Variants in TMEM181 observed in about 807,000 individuals in gnomAD.
TMEM181 encodes the protein transmembrane protein 181.
TMEM181 carries 39 observed loss-of-function variants against 71.9 expected under a neutral mutation model. The observed-to-expected ratio is 0.54, with a 90% CI of 0.42 to 0.71. The LOEUF (loss-of-function observed/expected upper bound fraction) is 0.71. TMEM181 is among the 30% of genes least tolerant of loss of function. The pLI is 0.00. For missense variants in TMEM181, 595 were observed against 583.0 expected (o/e 1.02, Z -0.21); for synonymous variants, 245 against 228.8 (o/e 1.07, Z -0.64).
In TMEM181 at chr6:158,551,564, G is replaced by A. The variant is rs74851120; in HGVS notation, c.131+14699G>A. ...TATAATCGGGAATTGCCAAGGAAAT[G>A]TAGTTATTTCTATTACACACAATGT... On this transcript the variant is annotated intron_variant, in intron 1 of 16. Transcript: ENST00000367090. Among the ~76,000 whole-genome samples the A allele has an allele frequency of 2.2e-3, 331 of 152,274 alleles. 1 individual carries two copies. The highest frequency in any genetic ancestry group is 3.6e-3 in the Non-Finnish European group (245 of 68,026).
intron 12 of TMEM181, 48 bp downstream of exon 12, chr6:158,625,254 CAGGT>C: frequency 2.0e-6 from 3 of 1,524,920 alleles, no homozygotes; most frequent in East Asian, 2.2e-5. Context: ...GGGAGTGACT[CAGGT>C]GGGGGAAGAA....
chr6:158,610,740 A>G (rs757379492), intron 10 of TMEM181: 1 of 297,540 alleles, frequency 3.4e-6, no homozygotes, highest in Non-Finnish European at 6.4e-6. Flanking sequence ...TCACTCAGGC[A>G]CTCGGGCTGC....
chr6:158,554,179 A>G (rs1781805493), intron 1 of TMEM181, among the ~76,000 whole-genome samples: 1 of 150,004 alleles, frequency 6.7e-6, no homozygotes. Context: ...TCCACCTCCC[A>G]GGTTCAAGTG....
At chr6:158,616,499 G>A (rs1039045229) in intron 10 of TMEM181, among the ~76,000 whole-genome samples, 3 of 151,998 alleles carry the variant, frequency 2.0e-5, no homozygotes, top group East Asian at 1.9e-4. Flanking sequence ...CTGACTGCCC[G>A]GGCCAGAACT....
At position 158,635,428 on chromosome 6, in the gene TMEM181, C is replaced by T. The variant is rs1037453826; in HGVS notation, c.*3540C>T. 6.6e-6 allele frequency: 1 copy of T among 152,206 alleles called. No homozygotes were observed. Among genetic ancestry groups the T allele is most frequent in the Non-Finnish European group, 1.5e-5 (1 of 68,040 alleles). 9.4% of individuals were successfully genotyped at this position (152,206 alleles called of 1,614,324 possible). On this transcript the variant is annotated 3_prime_UTR_variant, in exon 17 of 17. Coordinates refer to ENST00000684151, the MANE Select transcript of TMEM181 (RefSeq NM_001376852.1). ...GAAATGTTAATAAATTTTTAATATT[C>T]ACTTCTATGTGTCTTGATTTGTTTG...
chr6:158,591,032 C>T (rs1247321446), intron 6 of TMEM181, among the ~76,000 whole-genome samples: 1 of 152,220 alleles, frequency 6.6e-6, no homozygotes, highest in Non-Finnish European at 1.5e-5. Context: ...GGGATCAGTA[C>T]TTCACTCCTT....
In TMEM181 at chr6:158,628,145, CTG is replaced by C. The variant is rs1786436159; in HGVS notation, c.1110-262_1110-261del. Reference sequence around the variant, plus strand: ...CCGAGTAGGGAGAGTGTGATGGGGCCTGCAGCAGGGTTCATCCTGTCCCTGCA... The same window carrying C: ...CCGAGTAGGGAGAGTGTGATGGGGCCCAGCAGGGTTCATCCTGTCCCTGCA... On this transcript the variant is annotated intron_variant, in intron 13 of 16. Transcript: ENST00000684151. 3 of 638,668 alleles carry C rather than the reference CTG, an allele frequency of 4.7e-6. No homozygotes were observed. In the African/African-American group the frequency reaches 5.4e-5, roughly 11 times the overall value. 39.6% of individuals were successfully genotyped at this position (638,668 alleles called of 1,614,324 possible). A position where few individuals can be genotyped will look rare whatever the true frequency, so the allele number is the denominator to read the frequency against.
At chr6:158,596,451 C>T (rs956461208) in intron 6 of TMEM181, among the ~76,000 whole-genome samples, 1 of 152,144 alleles carries the variant, frequency 6.6e-6, no homozygotes, top group African/African-American at 2.4e-5. Context: ...TTCTGCATTC[C>T]TGGAGTCTGG....
intron 8 of TMEM181, 114 bp from the exon 9 acceptor site, chr6:158,608,219 G>A (rs551719765): frequency 1.1e-5 from 8 of 738,096 alleles, no homozygotes; most frequent in East Asian, 1.5e-4. Context: ...TGCTGACCCC[G>A]CAGAGGTATG....
At chr6:158,568,162 A>G (rs976286811) in intron 1 of TMEM181, among the ~76,000 whole-genome samples, 1 of 152,046 alleles carries the variant, frequency 6.6e-6, no homozygotes, top group Admixed American at 6.5e-5. Flanking sequence ...AGGGCATCTG[A>G]GATGGTGCCA....
At position 158,631,303 on chromosome 6, in the gene TMEM181, A is replaced by G. The variant is rs1437694562; in HGVS notation, c.1283-20A>G. ...ATCACGTCAATTGCTTGAGATGCAA[A>G]TGCTCTTGTTGGTTTTCAGAGTCCC... On this transcript the variant is annotated intron_variant, in intron 15 of 16. Transcript: ENST00000684151. The G allele has an allele frequency of 6.2e-7, 1 of 1,613,924 alleles. No individual in the cohort carries two copies. Among genetic ancestry groups the G allele is most frequent in the Admixed American group, 1.7e-5 (1 of 60,018 alleles).
chr6:158,569,762 G>A (rs929500259), intron 1 of TMEM181, among the ~76,000 whole-genome samples: 3 of 152,116 alleles, frequency 2.0e-5, no homozygotes, highest in African/African-American at 7.2e-5. Flanking sequence ...CATCACACCT[G>A]GCTAAGTTTT....
chr6:158,628,244 A>G (rs984153489), intron 13 of TMEM181, 164 bp from the exon 14 acceptor site: 4 of 718,800 alleles, frequency 5.6e-6, no homozygotes, highest in Admixed American at 2.0e-5. Context: ...GTGTGTGTGC[A>G]TGTGTGCATC....
At chr6:158,564,810 G>A (rs527712530) in intron 1 of TMEM181, among the ~76,000 whole-genome samples, 58 of 152,282 alleles carry the variant, frequency 3.8e-4, no homozygotes, top group African/African-American at 1.4e-3. Flanking sequence ...TTGGGCCAAA[G>A]GAGAAGAGAT....
intron 1 of TMEM181, among the ~76,000 whole-genome samples, chr6:158,566,885 A>G (rs985898480): frequency 5.3e-5 from 8 of 151,912 alleles, no homozygotes; most frequent in Admixed American, 3.3e-4. Context: ...AAGATGAATA[A>G]TGAGGGGAGA....
Position 158,635,294 on chromosome 6 carries a change from G to C in TMEM181, c.*3406G>C, listed in dbSNP as rs1177101070. On this transcript the variant is annotated 3_prime_UTR_variant, in exon 17 of 17. Coordinates refer to ENST00000684151, the MANE Select transcript of TMEM181 (RefSeq NM_001376852.1). ...TGTTCAGTTGTGGACCTGTCCGTGG[G>C]GCACAGTGCCACCCCATCACAGTGT... 1.3e-5 allele frequency: 2 copies of C among 152,214 alleles called. No homozygotes were observed. The highest frequency in any genetic ancestry group is 4.8e-5 in the African/African-American group (2 of 41,452). 9.4% of individuals were successfully genotyped at this position (152,214 alleles called of 1,614,324 possible). A position where few individuals can be genotyped will look rare whatever the true frequency, so the allele number is the denominator to read the frequency against.
In TMEM181 at chr6:158,572,452, C is replaced by T. The variant is rs921835930; in HGVS notation, c.9-968C>T. On this transcript the variant is annotated intron_variant, in intron 1 of 16. Coordinates refer to ENST00000684151, the MANE Select transcript of TMEM181 (RefSeq NM_001376852.1). ...ACAGAAGAGAGAGCAAAACAGACAG[C>T]GCCGCACGTCCCTCTGGTCTGTGGG... is the stretch of plus-strand genomic sequence containing the variant. 25 of 456,718 alleles carry T rather than the reference C, an allele frequency of 5.5e-5. 2 individuals are homozygous for T. The highest frequency in any genetic ancestry group is 3.3e-4 in the Middle Eastern group (1 of 3,076). 28.3% of individuals were successfully genotyped at this position (456,718 alleles called of 1,614,324 possible).
At chr6:158,612,628 CTTTG>C (rs778321729) in intron 10 of TMEM181, among the ~76,000 whole-genome samples, 24 of 152,282 alleles carry the variant, frequency 1.6e-4, no homozygotes, top group Non-Finnish European at 3.1e-4. Flanking sequence ...CATTTTAGCC[CTTTG>C]TTTGAGATTT....
chr6:158,611,198 A>C, intron 10 of TMEM181: 2 of 518,312 alleles, frequency 3.9e-6, no homozygotes, highest in South Asian at 2.9e-5. Flanking sequence ...GTCCTTCTCC[A>C]CTGACCTCTG....
Sources: allele counts gnomAD v4.1 joint callset (sites outside exome capture counted in the v4.1 genomes callset), GRCh38; gene constraint gnomAD v4.1.1; transcripts MANE v1.5; gene names NCBI Gene and HGNC (gene_info 2026-07-23, HGNC 2026-07-21).